OPA1: variants seen among roughly 807,000 people sequenced by gnomAD.
OPA1 encodes dynamin-like GTPase OPA1, mitochondrial.
In OPA1, 59 loss-of-function variants were observed where a neutral mutation model predicts 152.9. The observed-to-expected ratio is 0.39, with a 90% confidence interval of 0.31 to 0.48. The LOEUF (loss-of-function observed/expected upper bound fraction) is 0.48. OPA1 is among the 20% of genes least tolerant of loss of function. The pLI is 0.96. For missense variants in OPA1, 1,008 were observed against 1,216.8 expected (o/e 0.83, Z 2.55); for synonymous variants, 400 against 389.9 (o/e 1.03, Z -0.31).
At chr3:193,606,836 T>C (rs998752498) in intron 1 of OPA1, among the ~76,000 whole-genome samples, 10 of 152,136 alleles carry the variant, frequency 6.6e-5, no homozygotes, top group Non-Finnish European at 1.0e-4. Flanking sequence ...CCTGAGGAAT[T>C]GCCACACTGA....
intron 1 of OPA1, among the ~76,000 whole-genome samples, chr3:193,606,680 T>G (rs548906333): frequency 0.03 from 4,557 of 152,226 alleles, 62 homozygotes; most frequent in African/African-American, 0.035. Flanking sequence ...TGGACATTTG[T>G]GTTGGTTCCA....
intron 1 of OPA1, among the ~76,000 whole-genome samples, chr3:193,595,921 G>A (rs1428580605): frequency 6.6e-6 from 1 of 152,020 alleles, no homozygotes; most frequent in Admixed American, 6.6e-5. Flanking sequence ...AAAAGGAAAA[G>A]CATACATATA....
At chr3:193,633,072 A>G (rs1732353392) in intron 8 of OPA1, among the ~76,000 whole-genome samples, 1 of 149,036 alleles carries the variant, frequency 6.7e-6, no homozygotes, top group Admixed American at 6.7e-5. Flanking sequence ...ACCTCACTAT[A>G]CGCTAGACTC....
chr3:193,652,969 T>TAAC (rs1189898688), intron 21 of OPA1, among the ~76,000 whole-genome samples: 1 of 151,990 alleles, frequency 6.6e-6, no homozygotes. Context: ...CAGGGAAAAA[T>TAAC]AACAGACTAT....
At position 193,697,025 on chromosome 3, in the gene OPA1, A is replaced by T. The variant is rs1406184031; in HGVS notation, c.*2425A>T. Reference sequence around the variant, plus strand: ...TTCCGCAGACTTCTTTCTGCAAATTATTCAGCCTCCAAATGCAAATGAATG... The same window carrying T: ...TTCCGCAGACTTCTTTCTGCAAATTTTTCAGCCTCCAAATGCAAATGAATG... On this transcript the variant is annotated 3_prime_UTR_variant, in exon 31 of 31. Transcript: ENST00000361510. 1 of 152,198 alleles carries T rather than the reference A, an allele frequency of 6.6e-6. No individual in the cohort carries two copies. Among genetic ancestry groups the T allele is most frequent in the Non-Finnish European group, 1.5e-5 (1 of 68,036 alleles). The allele number at this position is 152,198 out of a possible 1,614,324, so 9.4% of individuals were successfully genotyped here.
intron 21 of OPA1, among the ~76,000 whole-genome samples, chr3:193,651,721 TAA>T (rs1262249287): frequency 1.3e-5 from 2 of 152,154 alleles, no homozygotes; most frequent in Non-Finnish European, 2.9e-5. Context: ...AAGGGATTTA[TAA>T]AACAGTATGT....
chr3:193,630,971 G>GA (rs1731985614), intron 7 of OPA1, among the ~76,000 whole-genome samples: 1 of 151,836 alleles, frequency 6.6e-6, no homozygotes, highest in African/African-American at 2.4e-5. Context: ...GCTTTACTTG[G>GA]CTTCATTGCT....
At chr3:193,659,375 A>C (rs1714684876) in intron 24 of OPA1, 107 bp from the exon 25 acceptor site, 1 of 961,138 alleles carries the variant, frequency 1.0e-6, no homozygotes, top group Non-Finnish European at 1.6e-6. Flanking sequence ...AACTGCCTTC[A>C]TATTGATATA....
intron 1 of OPA1, among the ~76,000 whole-genome samples, chr3:193,600,872 T>C (rs1413846113): frequency 1.3e-5 from 2 of 152,206 alleles, no homozygotes; most frequent in Non-Finnish European, 2.9e-5. Context: ...CTTGAGAGAT[T>C]TCTTTATTGT....
intron 1 of OPA1, among the ~76,000 whole-genome samples, chr3:193,604,949 G>T (rs1287441459): frequency 1.3e-5 from 2 of 152,012 alleles, no homozygotes; most frequent in African/African-American, 4.8e-5. Context: ...GCTGTAAAAG[G>T]TAAACTGAGT....
intron 2 of OPA1, among the ~76,000 whole-genome samples, chr3:193,615,371 A>G (rs1434172413): frequency 2.0e-5 from 3 of 152,232 alleles, no homozygotes; most frequent in Non-Finnish European, 4.4e-5. Context: ...GTCTGGGACC[A>G]GAGGCAAGGC....
Position 193,593,294 on chromosome 3 carries a change from T to C in OPA1, c.-84T>C. On this transcript the variant is annotated 5_prime_UTR_variant, in exon 1 of 31. Coordinates refer to ENST00000361510, the MANE Select transcript of OPA1 (RefSeq NM_130837.3). Reference sequence around the variant, plus strand: ...TGCTGAGGGCCACTTCCTGGGTCATTCCTGGACCGGGAGCCGGGCTGGGGC... The same window carrying C: ...TGCTGAGGGCCACTTCCTGGGTCATCCCTGGACCGGGAGCCGGGCTGGGGC... 1 of 1,444,480 alleles carries C rather than the reference T, an allele frequency of 6.9e-7. No homozygotes were observed. 89.5% of individuals were successfully genotyped at this position (1,444,480 alleles called of 1,614,324 possible).
At chr3:193,633,861 C>T (rs1045646056) in intron 8 of OPA1, among the ~76,000 whole-genome samples, 3 of 152,146 alleles carry the variant, frequency 2.0e-5, no homozygotes, top group South Asian at 2.1e-4. Context: ...TTAGATACTA[C>T]CAGAATTTTG....
rs767354521 is a variant in OPA1 at position 193,664,939 on chromosome 3, T to C, written c.2721T>C (p.His907=). 6.2e-7 allele frequency: 1 copy of C among 1,609,610 alleles called. No individual in the cohort carries two copies. The highest frequency in any genetic ancestry group is 2.2e-5 in the East Asian group (1 of 44,696). ...ATTTTTTAAAAACAGCTCTAAACCATTGTAACCTTTGTCGAAGAGGTTTTT... is the reference window on the plus strand; with the variant it reads ...ATTTTTTAAAAACAGCTCTAAACCACTGTAACCTTTGTCGAAGAGGTTTTT... ...RRHFLKTALN[H]CNLCRRGFYY... The change falls in exon 27 of 31, where the codon CAT becomes CAC. Residue 907 remains histidine (H), a synonymous_variant. Transcript: ENST00000361510.
rs1260294804 is a variant in OPA1 at position 193,638,028 on chromosome 3, GA to G, written c.1113del (p.Gly372AspfsTer5). On this transcript the variant is annotated frameshift_variant, in exon 11 of 31. Transcript: ENST00000361510. LOFTEE classifies it high-confidence loss of function. ...ATTGCCCAAGCTCGAATATTCCCAA[GA>G]GGATCTGGGGAGATGATGACACGTT... ...EMIAQARIFP[R>X]GSGEMMTRSP... The G allele has an allele frequency of 1.2e-6, 2 of 1,614,114 alleles. No homozygotes were observed. The highest frequency in any genetic ancestry group is 1.7e-6 in the Non-Finnish European group (2 of 1,179,960).
At chr3:193,632,966 G>A (rs1577214650) in intron 8 of OPA1, among the ~76,000 whole-genome samples, 1 of 152,222 alleles carries the variant, frequency 6.6e-6, no homozygotes, top group East Asian at 1.9e-4. Context: ...CTTGGGGCCA[G>A]CGTGTTTTGG....
intron 1 of OPA1, among the ~76,000 whole-genome samples, chr3:193,603,891 T>C (rs1726833751): frequency 6.6e-6 from 1 of 152,186 alleles, no homozygotes; most frequent in Non-Finnish European, 1.5e-5. Flanking sequence ...CTCACACCGT[T>C]GTGGTCTTCA....
At chr3:193,616,486 T>C (rs935660310) in intron 3 of OPA1, among the ~76,000 whole-genome samples, 2 of 152,210 alleles carry the variant, frequency 1.3e-5, no homozygotes, top group African/African-American at 4.8e-5. Context: ...ATTAATAATA[T>C]CATTTTCTGC....
chr3:193,618,232 A>G (rs571710774), intron 5 of OPA1, among the ~76,000 whole-genome samples: 78 of 152,052 alleles, frequency 5.1e-4, no homozygotes, highest in Admixed American at 2.1e-3. Context: ...TAATCCCAGC[A>G]TTTTGGGAGG....
Sources: allele counts gnomAD v4.1 joint callset (sites outside exome capture counted in the v4.1 genomes callset), GRCh38; gene constraint gnomAD v4.1.1; transcripts MANE v1.5; gene names NCBI Gene and HGNC (gene_info 2026-07-23, HGNC 2026-07-21).